Variants in PTPRZ1 observed in about 807,000 individuals in gnomAD.
PTPRZ1 encodes receptor-type tyrosine-protein phosphatase zeta.
In PTPRZ1, 82 loss-of-function variants were observed where a neutral mutation model predicts 214.1. That is an observed-to-expected ratio of 0.38 (90% CI 0.32 to 0.46). The LOEUF (loss-of-function observed/expected upper bound fraction) is 0.46, where lower values mean the gene tolerates loss of function less well. PTPRZ1 is among the 20% of genes least tolerant of loss of function. PTPRZ1 has a pLI of 1.00. For synonymous variants in PTPRZ1, 945 were observed against 987.9 expected (o/e 0.96, Z 0.81); for missense variants, 2,603 against 2,748.7 (o/e 0.95, Z 1.19).
intron 2 of PTPRZ1, among the ~76,000 whole-genome samples, chr7:121,944,009 T>C (rs1460046959): frequency 6.6e-6 from 1 of 152,238 alleles, no homozygotes; most frequent in African/African-American, 2.4e-5. Flanking sequence ...TGCCTCAGTG[T>C]AACATGTAAC....
intron 23 of PTPRZ1, among the ~76,000 whole-genome samples, chr7:122,045,588 C>T (rs1004367055): frequency 7.3e-5 from 11 of 151,446 alleles, no homozygotes; most frequent in African/African-American, 2.7e-4. Context: ...TAAAGGAATG[C>T]CTTAGGGGGG....
intron 29 of PTPRZ1, among the ~76,000 whole-genome samples, 196 bp downstream of exon 29, chr7:122,060,084 A>G (rs1185323793): frequency 1.3e-5 from 2 of 152,208 alleles, no homozygotes; most frequent in Admixed American, 6.6e-5. Context: ...TTTATGGATA[A>G]AAACTTTTAA....
chr7:121,983,271 C>A (rs1797668157), intron 6 of PTPRZ1, among the ~76,000 whole-genome samples: 1 of 152,136 alleles, frequency 6.6e-6, no homozygotes, highest in Non-Finnish European at 1.5e-5. Flanking sequence ...TTCAATAAGT[C>A]ATTCTTAAAT....
At chr7:121,896,118 A>G (rs541454911) in intron 1 of PTPRZ1, among the ~76,000 whole-genome samples, 1 of 152,318 alleles carries the variant, frequency 6.6e-6, no homozygotes, top group African/African-American at 2.4e-5. Context: ...ACATTTTTAA[A>G]AAGGAACACA....
At chr7:121,898,890 A>G (rs1415215533) in intron 1 of PTPRZ1, among the ~76,000 whole-genome samples, 1 of 152,212 alleles carries the variant, frequency 6.6e-6, no homozygotes, top group Non-Finnish European at 1.5e-5. Context: ...AAAATAGGGC[A>G]TGGAATCACT....
intron 1 of PTPRZ1, among the ~76,000 whole-genome samples, chr7:121,912,512 T>TA (rs1460351210): frequency 6.6e-6 from 1 of 152,188 alleles, no homozygotes; most frequent in African/African-American, 2.4e-5. Context: ...TTCATTGAAA[T>TA]ATGACAGCTA....
intron 23 of PTPRZ1, 37 bp from the exon 24 acceptor site, chr7:122,051,391 T>C: frequency 6.6e-7 from 1 of 1,506,498 alleles, no homozygotes; most frequent in Non-Finnish European, 9.2e-7. Context: ...GGGACTTAAA[T>C]GAAATAACCT....
Position 121,910,256 on chromosome 7 carries a change from A to G in PTPRZ1, c.59-17900A>G, listed in dbSNP as rs1795231697. 1.3e-5 allele frequency among the ~76,000 whole-genome samples: 2 copies of G among 152,186 alleles called. 1 individual carries two copies. The highest frequency in any genetic ancestry group is 4.1e-4 in the South Asian group (2 of 4,834). On this transcript the variant is annotated intron_variant, in intron 1 of 29. Transcript: ENST00000393386. ...TTTGCTTGAATGTCACTTCTCAGCA[A>G]GGTTCCCCTTGACCACTCAGTCTAA... is the stretch of plus-strand genomic sequence containing the variant.
chr7:121,934,995 T>C (rs1796032944), intron 2 of PTPRZ1, among the ~76,000 whole-genome samples: 1 of 152,174 alleles, frequency 6.6e-6, no homozygotes, highest in Non-Finnish European at 1.5e-5. Context: ...CAGATAAGGA[T>C]GTGAGGTAAC....
At chr7:121,976,418 C>A in intron 5 of PTPRZ1, 150 bp downstream of exon 5, 1 of 549,094 alleles carries the variant, frequency 1.8e-6, no homozygotes, top group East Asian at 2.9e-5. Context: ...ATGACCCTTG[C>A]CTGGTATTTT....
chr7:121,965,895 G>A (rs931484048), intron 2 of PTPRZ1, among the ~76,000 whole-genome samples: 2 of 152,172 alleles, frequency 1.3e-5, no homozygotes, highest in African/African-American at 4.8e-5. Context: ...TTGTTAAAAT[G>A]TAGATTCAGA....
In PTPRZ1 at chr7:121,873,199, C is replaced by T; in HGVS notation, c.-301C>T. The T allele has an allele frequency of 2.4e-6, 1 of 421,850 alleles. No homozygotes were observed. The highest frequency in any genetic ancestry group is 4.2e-6 in the Non-Finnish European group (1 of 240,066). The allele number at this position is 421,850 out of a possible 1,614,324, so 26.1% of individuals were successfully genotyped here. A position where few individuals can be genotyped will look rare whatever the true frequency, so the allele number is the denominator to read the frequency against. On this transcript the variant is annotated 5_prime_UTR_variant, in exon 1 of 30. Coordinates refer to ENST00000393386, the MANE Select transcript of PTPRZ1 (RefSeq NM_002851.3). The stretch of plus-strand genomic sequence containing the variant: ...CGCAGCCGGCGAAAGAGGCAAAGTC[C>T]CGCACGCCGGAGGACATGCGCCTCG...
intron 1 of PTPRZ1, among the ~76,000 whole-genome samples, chr7:121,927,257 G>A (rs1284131319): frequency 6.6e-6 from 1 of 152,258 alleles, no homozygotes; most frequent in Non-Finnish European, 1.5e-5. Context: ...TCCGCAATCA[G>A]GTTCCAAACC....
chr7:121,989,407 T>C (rs1797875808), intron 8 of PTPRZ1, among the ~76,000 whole-genome samples: 1 of 140,048 alleles, frequency 7.1e-6, no homozygotes, highest in Admixed American at 7.8e-5. Context: ...GGAGTTTCAC[T>C]CTTGTTGCCC....
intron 10 of PTPRZ1, among the ~76,000 whole-genome samples, chr7:121,998,605 A>C (rs570020667): frequency 6.6e-6 from 1 of 152,282 alleles, no homozygotes; most frequent in Non-Finnish European, 1.5e-5. Context: ...CTCTAAATGT[A>C]TGGGAAAATC....
intron 1 of PTPRZ1, among the ~76,000 whole-genome samples, chr7:121,894,808 T>C (rs1794740027): frequency 6.6e-6 from 1 of 152,224 alleles, no homozygotes; most frequent in Admixed American, 6.5e-5. Context: ...TGACATTTCC[T>C]TGGATTTTGA....
At chr7:121,877,527 C>T (rs943163231) in intron 1 of PTPRZ1, among the ~76,000 whole-genome samples, 3 of 152,136 alleles carry the variant, frequency 2.0e-5, no homozygotes, top group Admixed American at 2.0e-4. Flanking sequence ...GGTCATGTAG[C>T]AATCACTGTG....
At chr7:121,908,678 T>A in intron 1 of PTPRZ1, 1 of 467,074 alleles carries the variant, frequency 2.1e-6, no homozygotes, top group Non-Finnish European at 4.1e-6. Context: ...TTGAATAAAT[T>A]GCTATTCAAA....
intron 2 of PTPRZ1, among the ~76,000 whole-genome samples, chr7:121,965,093 A>AT (rs1797005481): frequency 6.6e-6 from 1 of 152,188 alleles, no homozygotes; most frequent in African/African-American, 2.4e-5. Flanking sequence ...ACTGAGTTGA[A>AT]TTGGTTTTCT....
Sources: gnomAD v4.1 joint callset for allele counts (sites outside exome capture counted in the v4.1 genomes callset) on GRCh38, gnomAD v4.1.1 for gene constraint, MANE v1.5 for transcripts, NCBI Gene and HGNC (gene_info 2026-07-23, HGNC 2026-07-21) for gene names.